Variants in MAML3 observed in about 807,000 individuals in gnomAD.
MAML3 encodes the protein mastermind like transcriptional coactivator 3.
Under a neutral mutation model 101.9 loss-of-function variants are expected in MAML3, and 27 were observed. The ratio of observed to expected loss-of-function variants is 0.27; its 90% CI spans 0.20 to 0.37. The LOEUF (loss-of-function observed/expected upper bound fraction) is 0.37, where lower values mean the gene tolerates loss of function less well. Among genes scored for constraint, MAML3 ranks in the 10% least tolerant of loss-of-function variants. The probability of loss-of-function intolerance (pLI) is 1.00; values close to 1 mark genes in which losing one functional copy is unlikely to be tolerated. For missense variants in MAML3, 1,316 were observed against 1,444.9 expected (o/e 0.91, Z 1.45); for synonymous variants, 501 against 555.9 (o/e 0.90, Z 1.39).
intron 2 of MAML3, among the ~76,000 whole-genome samples, chr4:139,744,271 C>A (rs142270339): frequency 6.6e-6 from 1 of 152,222 alleles, no homozygotes; most frequent in African/African-American, 2.4e-5. Context: ...TCAAGCTGTG[C>A]AGCATTGCAT....
chr4:139,942,171 A>AAGGCAGGCAGGC (rs561148147), intron 1 of MAML3, among the ~76,000 whole-genome samples: 11 of 76,862 alleles, frequency 1.4e-4, no homozygotes, highest in South Asian at 4.0e-4. Context: ...GGAGGGAGGG[A>AAGGCAGGCAGGC]AGGCAGGCAG....
At chr4:140,020,018 C>T (rs1022216395) in intron 1 of MAML3, among the ~76,000 whole-genome samples, 2 of 152,176 alleles carry the variant, frequency 1.3e-5, no homozygotes, top group African/African-American at 4.8e-5. Flanking sequence ...TCAACAAAGG[C>T]TTTAAGACAC....
intron 1 of MAML3, among the ~76,000 whole-genome samples, chr4:139,950,086 G>A (rs1281314314): frequency 1.3e-5 from 2 of 152,164 alleles, no homozygotes; most frequent in Non-Finnish European, 2.9e-5. Context: ...TGTTGCCCAG[G>A]CTGGAGTGCA....
chr4:139,829,998 A>G (rs771854605), intron 2 of MAML3, among the ~76,000 whole-genome samples: 4 of 152,244 alleles, frequency 2.6e-5, no homozygotes, highest in Non-Finnish European at 5.9e-5. Context: ...AAGAGAAGCT[A>G]GAGAAATATG....
intron 1 of MAML3, among the ~76,000 whole-genome samples, chr4:140,147,908 ATGAGTGAATGTG>A (rs1729092073): frequency 1.6e-5 from 1 of 64,036 alleles, no homozygotes; most frequent in South Asian, 5.8e-4. Flanking sequence ...GAGTGAGTGA[ATGAGTGAATGTG>A]TGTGTGTGTG....
intron 2 of MAML3, among the ~76,000 whole-genome samples, chr4:139,745,809 T>C (rs1158300575): frequency 6.6e-6 from 1 of 152,156 alleles, no homozygotes; most frequent in African/African-American, 2.4e-5. Flanking sequence ...TGACAGGGAG[T>C]AGAACAGTAG....
chr4:140,027,094 G>A (rs1726838551), intron 1 of MAML3, among the ~76,000 whole-genome samples: 1 of 151,884 alleles, frequency 6.6e-6, no homozygotes, highest in African/African-American at 2.4e-5. Flanking sequence ...CTGTTGAGCA[G>A]TGAGTTTGCA....
At chr4:139,929,848 G>A (rs1426624248) in intron 1 of MAML3, among the ~76,000 whole-genome samples, 2 of 152,326 alleles carry the variant, frequency 1.3e-5, no homozygotes, top group Middle Eastern at 3.4e-3. Flanking sequence ...GAAGTGGAGG[G>A]AAAAAGAGCA....
intron 1 of MAML3, among the ~76,000 whole-genome samples, chr4:139,943,070 G>C (rs1733636842): frequency 6.6e-6 from 1 of 152,144 alleles, no homozygotes; most frequent in Non-Finnish European, 1.5e-5. Flanking sequence ...ATGTGAAATG[G>C]GGGTGCTGAC....
chr4:139,786,658 G>C (rs1730308378), intron 2 of MAML3, among the ~76,000 whole-genome samples: 1 of 152,210 alleles, frequency 6.6e-6, no homozygotes, highest in African/African-American at 2.4e-5. Context: ...CAAGGTGTCA[G>C]CTGGTAACAG....
At chr4:139,978,157 G>A (rs1346056007) in intron 1 of MAML3, among the ~76,000 whole-genome samples, 5 of 152,036 alleles carry the variant, frequency 3.3e-5, no homozygotes. Flanking sequence ...TCCTTGACTC[G>A]GAAGCAAATG....
intron 2 of MAML3, among the ~76,000 whole-genome samples, chr4:139,854,974 A>C (rs795971): frequency 0.43 from 66,086 of 152,124 alleles, 15,047 homozygotes; most frequent in African/African-American, 0.5. Context: ...TAAATCAGCC[A>C]TGTGCTCTCA....
chr4:139,741,774 C>T (rs765586645), intron 2 of MAML3, among the ~76,000 whole-genome samples: 6 of 152,110 alleles, frequency 3.9e-5, no homozygotes, highest in Non-Finnish European at 8.8e-5. Context: ...GTTATTAGAT[C>T]GGGCTGCTCT....
At chr4:139,754,687 G>T (rs1388111328) in intron 2 of MAML3, among the ~76,000 whole-genome samples, 2 of 152,100 alleles carry the variant, frequency 1.3e-5, no homozygotes, top group African/African-American at 4.8e-5. Flanking sequence ...ATACCCTCTG[G>T]AAAGATATGA....
intron 1 of MAML3, among the ~76,000 whole-genome samples, chr4:140,067,209 GTGTGT>G (rs973546296): frequency 6.6e-6 from 1 of 151,822 alleles, no homozygotes; most frequent in Non-Finnish European, 1.5e-5. Flanking sequence ...GGGTGTGTGT[GTGTGT>G]GTGTGTGTGT....
chr4:140,146,285 T>C lies in MAML3; in HGVS notation c.468+6575A>G, dbSNP rs541455637. The stretch of plus-strand genomic sequence containing the variant: ...CATGCGGCCCTCAGAGAACGCCGAA[T>C]GCTGTGCTTCTGTCCCAAATGGAGA... On this transcript the variant is annotated intron_variant, in intron 1 of 4. Transcript: ENST00000509479. 4.6e-5 allele frequency among the ~76,000 whole-genome samples: 7 copies of C among 152,290 alleles called. No homozygotes were observed. The East Asian group carries it at 1.2e-3, about 25-fold the overall frequency.
At chr4:140,088,821 T>C (rs1041087186) in intron 1 of MAML3, among the ~76,000 whole-genome samples, 1 of 152,218 alleles carries the variant, frequency 6.6e-6, no homozygotes, top group African/African-American at 2.4e-5. Flanking sequence ...GTGTACTATT[T>C]CACAATACCC....
chr4:140,011,253 T>TATATATATATATATATATATATATGA (rs1726555472), intron 1 of MAML3, among the ~76,000 whole-genome samples: 1 of 143,776 alleles, frequency 7.0e-6, no homozygotes, highest in Non-Finnish European at 1.5e-5. Context: ...TATATATATA[T>TATATATATATATATATATATATATGA]GACAAACAGA....
chr4:140,099,207 C>T (rs1239332953), intron 1 of MAML3, among the ~76,000 whole-genome samples: 1 of 150,626 alleles, frequency 6.6e-6, no homozygotes, highest in African/African-American at 2.5e-5. Context: ...GTTCATAAAA[C>T]TCTGTTCACA....
Sources: gnomAD v4.1 joint callset for allele counts (sites outside exome capture counted in the v4.1 genomes callset) on GRCh38, gnomAD v4.1.1 for gene constraint, MANE v1.5 for transcripts, NCBI Gene and HGNC (gene_info 2026-07-23, HGNC 2026-07-21) for gene names.